Variants in PLA2G4E observed in about 807,000 individuals in gnomAD.
PLA2G4E encodes the protein phospholipase A2 group IVE, also known as cytosolic phospholipase A2 epsilon.
In PLA2G4E, 84 loss-of-function variants were observed where a neutral mutation model predicts 109.1. That is an observed-to-expected ratio of 0.77 (90% CI 0.65 to 0.92). The LOEUF (loss-of-function observed/expected upper bound fraction) is 0.92. PLA2G4E is among the 40% of genes least tolerant of loss of function. The pLI is 0.00. For missense variants in PLA2G4E, 1,057 were observed against 1,076.6 expected, an observed-to-expected ratio of 0.98 and a Z score of 0.25; for synonymous variants, 469 against 436.1, an observed-to-expected ratio of 1.08 and a Z score of -0.94.
At chr15:41,988,260 G>C in intron 15 of PLA2G4E, 104 bp from the exon 16 acceptor site, 2 of 767,550 alleles carry the variant, frequency 2.6e-6, no homozygotes, top group Admixed American at 2.7e-5. Flanking sequence ...CGCAAGCCAG[G>C]CTGCTCCACA....
chr15:41,995,083 G>C (rs114859273), intron 12 of PLA2G4E, among the ~76,000 whole-genome samples: 304 of 152,386 alleles, frequency 2.0e-3, no homozygotes, highest in African/African-American at 6.8e-3. Flanking sequence ...AAAGGCCAGG[G>C]CATACAGTGT....
At chr15:42,049,853 CG>C (rs1212584715) in intron 1 of PLA2G4E, among the ~76,000 whole-genome samples, 1 of 152,254 alleles carries the variant, frequency 6.6e-6, no homozygotes, top group East Asian at 1.9e-4. Flanking sequence ...GAAGCTCACA[CG>C]CCCGCCCAGA....
rs111816863 is a variant in PLA2G4E at position 41,997,127 on chromosome 15, G to A, written c.1107C>T (p.Asp369=). ...GGCCACATCCCTGATTACCCACCTC[G>A]TCCTCCTGCAGGTCTTCCTCCAGCT... Residue 369 remains aspartate (D), a synonymous_variant, in exon 11 of 20, where the codon GAC becomes GAT. Transcript: ENST00000399518. 3.2e-3 allele frequency: 5,053 copies of A among 1,565,966 alleles called. 78 individuals carry two copies. In the African/African-American group the frequency reaches 0.045, roughly 14 times the overall value.
intron 1 of PLA2G4E, among the ~76,000 whole-genome samples, chr15:42,021,632 G>A (rs2068649491): frequency 2.0e-5 from 3 of 152,100 alleles, no homozygotes; most frequent in South Asian, 4.1e-4. Context: ...CTCCTGGGAG[G>A]CCAGGTGGAG....
At chr15:42,037,490 C>CTG (rs1889238353) in intron 1 of PLA2G4E, among the ~76,000 whole-genome samples, 1 of 152,226 alleles carries the variant, frequency 6.6e-6, no homozygotes, top group African/African-American at 2.4e-5. Flanking sequence ...CTCCTCTGAG[C>CTG]TGTTCTATTG....
At chr15:42,025,634 C>T (rs116354721) in intron 1 of PLA2G4E, among the ~76,000 whole-genome samples, 3 of 152,200 alleles carry the variant, frequency 2.0e-5, no homozygotes, top group African/African-American at 4.8e-5. Flanking sequence ...GTTCCCCCTA[C>T]CTCCCTCTGT....
rs757321227 is a variant in PLA2G4E at position 42,007,780 on chromosome 15, TG to T, written c.341del (p.Pro114GlnfsTer17). The T allele has an allele frequency of 6.2e-7, 1 of 1,612,604 alleles. No homozygotes were observed. Among genetic ancestry groups the T allele is most frequent in the East Asian group, 2.2e-5 (1 of 44,870 alleles). ...TGAAGCTTTCATTCCACTCTGGATT[TG>T]GGCAGTTGGAGATGGTCCTTGTCCT... On this transcript the variant is annotated frameshift_variant, in exon 3 of 20. Transcript: ENST00000399518. LOFTEE classifies it high-confidence loss of function.
intron 1 of PLA2G4E, among the ~76,000 whole-genome samples, chr15:42,025,795 G>T (rs1390551141): frequency 6.6e-6 from 1 of 152,148 alleles, no homozygotes; most frequent in Non-Finnish European, 1.5e-5. Flanking sequence ...CTCCTGCTCT[G>T]TCAGAAAGGA....
At chr15:41,985,988 A>G (rs758482306) in exon 18 of PLA2G4E, 1 of 1,596,940 alleles carries the variant, frequency 6.3e-7, no homozygotes, top group Non-Finnish European at 8.5e-7. Flanking sequence ...TGGTTTGGGA[A>G]ACCATCTAGC....
intron 1 of PLA2G4E, among the ~76,000 whole-genome samples, chr15:42,019,443 C>A (rs955070834): frequency 3.9e-5 from 6 of 152,218 alleles, no homozygotes; most frequent in Non-Finnish European, 7.3e-5. Context: ...ATACCCTCAG[C>A]AAACCATCCC....
intron 1 of PLA2G4E, among the ~76,000 whole-genome samples, chr15:42,030,963 T>G (rs1263303141): frequency 1.3e-5 from 2 of 152,162 alleles, no homozygotes; most frequent in Non-Finnish European, 2.9e-5. Flanking sequence ...AGGGCAAAAT[T>G]TTTTCTTTTC....
chr15:42,019,207 T>G (rs2068624747), intron 1 of PLA2G4E, among the ~76,000 whole-genome samples: 1 of 152,194 alleles, frequency 6.6e-6, no homozygotes, highest in Non-Finnish European at 1.5e-5. Flanking sequence ...CTCCAGGCCA[T>G]GTGCTGGACT....
rs114194127 is a variant in PLA2G4E, at chr15:42,016,746, G to T, written c.184-2989C>A. Among the ~76,000 whole-genome samples the T allele has an allele frequency of 4.2e-3, 645 of 152,270 alleles. 9 individuals carry two copies. The highest frequency in any genetic ancestry group is 0.015 in the African/African-American group (610 of 41,550). On this transcript the variant is annotated intron_variant, in intron 1 of 19. Transcript: ENST00000399518. The stretch of plus-strand genomic sequence containing the variant: ...CTCCTGAACAGCTGCCTTAAAACCA[G>T]GACAAAAGTCAAACTCACAGCCAAT...
At chr15:42,029,131 G>A (rs538880415) in intron 1 of PLA2G4E, among the ~76,000 whole-genome samples, 5 of 152,058 alleles carry the variant, frequency 3.3e-5, no homozygotes, top group Non-Finnish European at 7.4e-5. Context: ...TCGCTCTGTT[G>A]CCCAGACTGG....
rs566878802 is a variant in PLA2G4E, at chr15:42,029,540, T to A, written c.184-15783A>T. On this transcript the variant is annotated intron_variant, in intron 1 of 19. Transcript: ENST00000399518. ...CTCATACAGTGAGGTGCCAAAAGCCTTCTGCACACTGAGTTTACTCCTTAT... is the reference window on the plus strand; with the variant it reads ...CTCATACAGTGAGGTGCCAAAAGCCATCTGCACACTGAGTTTACTCCTTAT... 1.9e-4 allele frequency among the ~76,000 whole-genome samples: 29 copies of A among 152,362 alleles called. No individual in the cohort carries two copies. The East Asian group carries it at 5.0e-3, about 26-fold the overall frequency.
intron 1 of PLA2G4E, among the ~76,000 whole-genome samples, chr15:42,034,314 A>G (rs1224646936): frequency 2.0e-5 from 3 of 152,230 alleles, no homozygotes; most frequent in African/African-American, 7.2e-5. Flanking sequence ...TATTTGAGGC[A>G]AAATAATTTG....
At chr15:41,986,049 A>G in intron 17 of PLA2G4E, 44 bp from the exon 18 acceptor site, 2 of 1,551,680 alleles carry the variant, frequency 1.3e-6, no homozygotes, top group Non-Finnish European at 1.7e-6. Context: ...TGGTGCCCTG[A>G]CAGCCAATGG....
chr15:42,018,713 G>A (rs1704375), intron 1 of PLA2G4E, among the ~76,000 whole-genome samples: 78,561 of 151,970 alleles, frequency 0.52, 21,399 homozygotes, highest in East Asian at 0.71. Flanking sequence ...CCGACACACC[G>A]TCCCAGCCCC....
chr15:42,024,907 G>A (rs1221149009), intron 1 of PLA2G4E, among the ~76,000 whole-genome samples: 1 of 152,122 alleles, frequency 6.6e-6, no homozygotes, highest in Non-Finnish European at 1.5e-5. Context: ...GAAACTGTAA[G>A]AATTAAAGAG....
Sources: allele counts gnomAD v4.1 joint callset (sites outside exome capture counted in the v4.1 genomes callset), GRCh38; gene constraint gnomAD v4.1.1; transcripts MANE v1.5; gene names NCBI Gene and HGNC (gene_info 2026-07-23, HGNC 2026-07-21).